KIF3B: variants seen among roughly 807,000 people sequenced by gnomAD.
The protein encoded by KIF3B is kinesin family member 3B, also known as kinesin-like protein KIF3B.
In KIF3B, 38 loss-of-function variants were observed where a neutral mutation model predicts 74.3. That is an observed-to-expected ratio of 0.51 (90% confidence interval 0.39 to 0.67). KIF3B has a LOEUF of 0.67. KIF3B is among the 30% of genes least tolerant of loss of function. The pLI, the probability that KIF3B is intolerant of heterozygous loss-of-function variation, is 0.00. For missense variants in KIF3B, 649 were observed against 932.0 expected (o/e 0.70, Z 3.95); for synonymous variants, 326 against 342.5 (o/e 0.95, Z 0.53).
rs749345451 is a variant in KIF3B at position 32,330,120 on chromosome 20, G to A, written c.1969-21G>A. The A allele has an allele frequency of 3.1e-6, 5 of 1,605,250 alleles. No individual in the cohort carries two copies. In the Admixed American group the frequency reaches 6.8e-5, roughly 22 times the overall value. On this transcript the variant is annotated intron_variant, in intron 7 of 8. Coordinates refer to ENST00000375712, the MANE Select transcript of KIF3B (RefSeq NM_004798.4). ...GTCCAGTTGGAGGCTAACCTAGCTG[G>A]TGATGGCTGTGCTTCTGCAGGCAGA...
At chr20:32,293,573 G>A (rs1001523082) in intron 1 of KIF3B, among the ~76,000 whole-genome samples, 15 of 152,190 alleles carry the variant, frequency 9.9e-5, no homozygotes, top group Admixed American at 1.3e-4. Flanking sequence ...TCATGCCACT[G>A]CACTCCAGCC....
chr20:32,316,385 G>A, intron 3 of KIF3B, 66 bp downstream of exon 3: 8 of 1,528,870 alleles, frequency 5.2e-6, no homozygotes, highest in Middle Eastern at 3.4e-4. Context: ...CAGAGCAAAC[G>A]TCTCATATTA....
At chr20:32,328,931 G>A (rs2047917043) in intron 7 of KIF3B, among the ~76,000 whole-genome samples, 1 of 152,078 alleles carries the variant, frequency 6.6e-6, no homozygotes, top group Admixed American at 6.6e-5. Flanking sequence ...GTTTTGAGAT[G>A]GAGTCTCGCT....
At position 32,310,033 on chromosome 20, in the gene KIF3B, C is replaced by G; in HGVS notation, c.256C>G (p.Gln86Glu). Residue 86 changes from glutamine to glutamate, a missense_variant, in exon 2 of 9, where the codon CAA (glutamine) becomes GAA (glutamate). Physicochemically the swap from Gln to Glu is conservative, Grantham distance 29. Around this residue, in one of 4 missense-constraint regions of KIF3B, gnomAD observed 96 missense variants for 119.0 expected, o/e 0.81. Transcript: ENST00000375712. The surrounding 1 kb of genome is among the most constrained non-coding windows in gnomAD (Gnocchi z 6.5). ...CCGACCACTTGTTGACTCTGTCCTG[C>G]AAGGTTTCAATGGAACCATTTTTGC... ...TFRPLVDSVL[Q>E]GFNGTIFAYG... 1 of 1,614,122 alleles carries G rather than the reference C, an allele frequency of 6.2e-7. No homozygotes were observed. The highest frequency in any genetic ancestry group is 8.5e-7 in the Non-Finnish European group (1 of 1,180,034).
intron 1 of KIF3B, among the ~76,000 whole-genome samples, chr20:32,308,335 T>C (rs2047782400): frequency 6.6e-6 from 1 of 152,166 alleles, no homozygotes; most frequent in African/African-American, 2.4e-5. Context: ...GCAATCCTTC[T>C]TCCTCAGCCT....
chr20:32,322,742 T>TTTATATA (rs2047870886), intron 5 of KIF3B, among the ~76,000 whole-genome samples: 1 of 46,704 alleles, frequency 2.1e-5, no homozygotes, highest in Non-Finnish European at 3.2e-5. Context: ...TTATATATAT[T>TTTATATA]TATTTATATA....
intron 1 of KIF3B, among the ~76,000 whole-genome samples, chr20:32,300,322 G>T (rs1022035929): frequency 6.6e-6 from 1 of 151,688 alleles, no homozygotes; most frequent in African/African-American, 2.4e-5. Flanking sequence ...CTGTCGCCCG[G>T]GCTGGAGTGC....
intron 1 of KIF3B, among the ~76,000 whole-genome samples, chr20:32,295,397 A>G (rs776370090): frequency 1.3e-5 from 2 of 151,042 alleles, no homozygotes; most frequent in Non-Finnish European, 2.9e-5. Flanking sequence ...GGTTCACACC[A>G]TTCTCCTGCC....
At chr20:32,313,232 T>A (rs1053805465) in intron 2 of KIF3B, among the ~76,000 whole-genome samples, 3 of 152,148 alleles carry the variant, frequency 2.0e-5, no homozygotes, top group Admixed American at 6.6e-5. Context: ...CCACTGGGCT[T>A]TAATGGCAGA....
chr20:32,291,555 G>A (rs921669087), intron 1 of KIF3B, among the ~76,000 whole-genome samples: 3 of 151,204 alleles, frequency 2.0e-5, no homozygotes, highest in African/African-American at 4.9e-5. Context: ...TTTTTTACAC[G>A]TAAAAATAAT....
At chr20:32,303,465 T>C (rs2047754059) in intron 1 of KIF3B, among the ~76,000 whole-genome samples, 3 of 151,804 alleles carry the variant, frequency 2.0e-5, no homozygotes, top group Non-Finnish European at 4.4e-5. Flanking sequence ...CTTGGGAGGC[T>C]GAGGCAGGAG....
chr20:32,320,866 G>T (rs561490941), intron 5 of KIF3B, among the ~76,000 whole-genome samples: 2 of 151,990 alleles, frequency 1.3e-5, no homozygotes, highest in South Asian at 4.2e-4. Context: ...GGACATTTGG[G>T]TTATTTCTAC....
chr20:32,310,847 A>T lies in KIF3B; in HGVS notation c.1070A>T (p.Glu357Val). 3 of 1,614,060 alleles carry T rather than the reference A, an allele frequency of 1.9e-6. No individual in the cohort carries two copies. The highest frequency in any genetic ancestry group is 2.5e-6 in the Non-Finnish European group (3 of 1,180,006). ...NEDPKDALLR[E>V]FQEEIARLKA... ...GACCCCAAGGATGCCCTCCTTCGAG[A>T]ATTCCAGGAAGAGATTGCTCGGCTC... Residue 357 changes from glutamate (E) to valine (V), a missense_variant, in exon 2 of 9, where the codon GAA becomes GTA. Coordinates refer to ENST00000375712, the MANE Select transcript of KIF3B (RefSeq NM_004798.4). This position sits in a 1 kb window ranked among gnomAD's most constrained non-coding sequence, Gnocchi z 6.5.
chr20:32,283,924 A>AT (rs961613778), intron 1 of KIF3B, among the ~76,000 whole-genome samples: 1 of 144,538 alleles, frequency 6.9e-6, no homozygotes, highest in Non-Finnish European at 1.5e-5. Context: ...TGAGCCGCTA[A>AT]TTTTTTTAGA....
intron 1 of KIF3B, among the ~76,000 whole-genome samples, chr20:32,290,048 A>G (rs2047684169): frequency 1.3e-5 from 2 of 152,046 alleles, no homozygotes; most frequent in South Asian, 4.1e-4. Flanking sequence ...TTCCCATTTT[A>G]CAGATGAGGA....
At chr20:32,315,527 A>C (rs1177049920) in intron 2 of KIF3B, among the ~76,000 whole-genome samples, 1 of 152,106 alleles carries the variant, frequency 6.6e-6, no homozygotes, top group Non-Finnish European at 1.5e-5. Context: ...CAACATAGCA[A>C]GATTTCACCT....
rs145263793 is a variant in KIF3B at position 32,331,048 on chromosome 20, G to A, written c.2148-175G>A. Reference sequence around the variant, plus strand: ...CTCTCAGGTTCCACACCTCTGTTCTGAGGCCATTTTCACCATCCCCAAAGG... The same window carrying A: ...CTCTCAGGTTCCACACCTCTGTTCTAAGGCCATTTTCACCATCCCCAAAGG... On this transcript the variant is annotated intron_variant, in intron 8 of 8. Coordinates refer to ENST00000375712, the MANE Select transcript of KIF3B (RefSeq NM_004798.4). 0.018 allele frequency among the ~76,000 whole-genome samples: 2,756 copies of A among 152,310 alleles called. 41 individuals are homozygous for A. The highest frequency in any genetic ancestry group is 0.054 in the Middle Eastern group (16 of 294).
chr20:32,332,725 A>G lies in KIF3B; in HGVS notation c.*1406A>G, dbSNP rs1277806125. 6.6e-6 allele frequency: 1 copy of G among 152,258 alleles called. No homozygotes were observed. Among genetic ancestry groups the G allele is most frequent in the African/African-American group, 2.4e-5 (1 of 41,444 alleles). 9.4% of individuals were successfully genotyped at this position (152,258 alleles called of 1,614,324 possible). Reference sequence around the variant, plus strand: ...TGTGAATGTGTCCATATGTGTCTGTAAGAGAGACAGAGACCAAGAACTTGC... The same window carrying G: ...TGTGAATGTGTCCATATGTGTCTGTGAGAGAGACAGAGACCAAGAACTTGC... On this transcript the variant is annotated 3_prime_UTR_variant, in exon 9 of 9. Transcript: ENST00000375712.
At chr20:32,280,984 T>TTGTGTCCC in intron 1 of KIF3B, among the ~76,000 whole-genome samples, 1 of 152,324 alleles carries the variant, frequency 6.6e-6, no homozygotes, top group East Asian at 1.9e-4. Flanking sequence ...ATCTGTTTTG[T>TTGTGTCCC]TGTGTCCCTA....
Sources: gnomAD v4.1 joint callset for allele counts (sites outside exome capture counted in the v4.1 genomes callset) on GRCh38, gnomAD v4.1.1 for gene constraint, gnomAD v4.1.1 regional missense constraint, Gnocchi (gnomAD v3.1) non-coding constraint, MANE v1.5 for transcripts, NCBI Gene and HGNC (gene_info 2026-07-23, HGNC 2026-07-21) for gene names.